The following TRIM5 variants were observed in gnomAD, a reference collection of about 807,000 sequenced individuals.
The protein encoded by TRIM5 is tripartite motif-containing protein 5.
TRIM5 carries 31 observed loss-of-function variants against 35.6 expected under a neutral mutation model. The observed-to-expected ratio is 0.87, with a 90% CI of 0.65 to 1.18. The LOEUF (loss-of-function observed/expected upper bound fraction) is 1.18. Among genes scored for constraint, TRIM5 ranks in the 50% most tolerant of loss-of-function variants. The pLI is 0.00. For missense variants in TRIM5, 609 were observed against 591.6 expected (o/e 1.03, Z -0.31); for synonymous variants, 243 against 215.6 (o/e 1.13, Z -1.11).
chr11:5,654,630 G>A, the TRIM5 span, among the ~76,000 whole-genome samples: 1 of 152,162 alleles, frequency 6.6e-6, no homozygotes, highest in Non-Finnish European at 1.5e-5. Context: ...ATGTGGGTGA[G>A]TGTGGGTTTG....
At chr11:5,634,062 G>T in the TRIM5 span, among the ~76,000 whole-genome samples, 1 of 152,178 alleles carries the variant, frequency 6.6e-6, no homozygotes, top group Non-Finnish European at 1.5e-5. Context: ...CTAGAAAGTG[G>T]ACATGTTACA....
chr11:5,589,532 C>G, the TRIM5 span: 2 of 152,114 alleles, frequency 1.3e-5, no homozygotes, highest in African/African-American at 4.8e-5. Flanking sequence ...GTTGGTTACA[C>G]CATCTTGCTG....
the TRIM5 span, among the ~76,000 whole-genome samples, chr11:5,594,577 G>C: frequency 6.6e-6 from 1 of 152,100 alleles, no homozygotes; most frequent in Non-Finnish European, 1.5e-5. Context: ...AAAATGCTGG[G>C]ATTACAAGCG....
the TRIM5 span, chr11:5,605,536 G>A: frequency 1.1e-5 from 17 of 1,613,732 alleles, no homozygotes; most frequent in African/African-American, 1.1e-4. Flanking sequence ...CTGGAGCGTC[G>A]ATGTCAGGGG....
At chr11:5,613,396 A>C in the TRIM5 span, among the ~76,000 whole-genome samples, 1 of 152,200 alleles carries the variant, frequency 6.6e-6, no homozygotes. Flanking sequence ...TGGTGAGATA[A>C]AGTAGTGCAG....
At chr11:5,611,247 A>G in the TRIM5 span, 2 of 1,613,928 alleles carry the variant, frequency 1.2e-6, no homozygotes, top group Non-Finnish European at 1.7e-6. Context: ...CCCCATCTAC[A>G]CTTTCTCTAA....
the TRIM5 span, among the ~76,000 whole-genome samples, chr11:5,650,976 A>C: frequency 6.6e-6 from 1 of 152,226 alleles, no homozygotes; most frequent in East Asian, 1.9e-4. Context: ...GGGCAGATTT[A>C]GCAACGCCTG....
At chr11:5,642,312 G>C in the TRIM5 span, 1 of 1,127,912 alleles carries the variant, frequency 8.9e-7, no homozygotes, top group Non-Finnish European at 1.3e-6. Context: ...GGGTTCAAGT[G>C]CATCAGTGAT....
At chr11:5,655,341 A>G in the TRIM5 span, among the ~76,000 whole-genome samples, 8 of 152,176 alleles carry the variant, frequency 5.3e-5, no homozygotes, top group Non-Finnish European at 1.0e-4. Flanking sequence ...ATTTATCTAC[A>G]ATTTAAATAA....
downstream of TRIM5, among the ~76,000 whole-genome samples, chr11:5,659,939 T>G (rs1427326850): frequency 6.6e-6 from 1 of 152,162 alleles, no homozygotes; most frequent in African/African-American, 2.4e-5. Context: ...TCTTTACGGG[T>G]ACTCTACCAT....
At chr11:5,619,936 G>A in the TRIM5 span, 2 of 151,054 alleles carry the variant, frequency 1.3e-5, no homozygotes, top group African/African-American at 4.9e-5. Flanking sequence ...CTGACCTCAA[G>A]TGATCCACCC....
At chr11:5,597,529 T>C in the TRIM5 span, among the ~76,000 whole-genome samples, 2,633 of 152,228 alleles carry the variant, frequency 0.017, 72 homozygotes, top group African/African-American at 0.059. Context: ...AATATAACCC[T>C]ACACAAAGAT....
At chr11:5,654,976 A>G in the TRIM5 span, among the ~76,000 whole-genome samples, 8 of 152,044 alleles carry the variant, frequency 5.3e-5, no homozygotes, top group African/African-American at 1.9e-4. Flanking sequence ...GGATCACCTG[A>G]GGTCAGGAGT....
At chr11:5,617,235 T>C in the TRIM5 span, among the ~76,000 whole-genome samples, 5 of 144,324 alleles carry the variant, frequency 3.5e-5, 1 homozygote, top group African/African-American at 7.6e-5. Context: ...AGAGGAGAAA[T>C]GTTAGGAGAG....
At chr11:5,678,126 A>C in intron 4 of TRIM5, 78 bp downstream of exon 4, 1 of 1,261,620 alleles carries the variant, frequency 7.9e-7, no homozygotes, top group Non-Finnish European at 1.1e-6. Context: ...AATATTAGAA[A>C]AAGCACAGCA....
intron 4 of TRIM5, among the ~76,000 whole-genome samples, chr11:5,670,192 T>A (rs577489069): frequency 2.9e-5 from 4 of 139,642 alleles, no homozygotes; most frequent in African/African-American, 1.1e-4. Flanking sequence ...TTTTTTTTTT[T>A]TTTGAGATGG....
At chr11:5,636,526 T>C in the TRIM5 span, among the ~76,000 whole-genome samples, 1 of 152,332 alleles carries the variant, frequency 6.6e-6, no homozygotes, top group South Asian at 2.1e-4. Context: ...TTGAACTACA[T>C]CTCAGTAAAA....
chr11:5,608,847 ATTTTTTT>A, the TRIM5 span, among the ~76,000 whole-genome samples: 8 of 101,892 alleles, frequency 7.9e-5, no homozygotes, highest in African/African-American at 2.1e-4. Flanking sequence ...TTGCCCATAA[ATTTTTTT>A]TTTTTTTTTT....
chr11:5,676,171 T>C (rs888677123), intron 4 of TRIM5, among the ~76,000 whole-genome samples: 1 of 151,668 alleles, frequency 6.6e-6, no homozygotes, highest in African/African-American at 2.4e-5. Context: ...TACGTGTGCA[T>C]GTGTCTTTAT....
Sources: gnomAD v4.1 joint callset for allele counts (sites outside exome capture counted in the v4.1 genomes callset) on GRCh38, gnomAD v4.1.1 for gene constraint, MANE v1.5 for transcripts, NCBI Gene and HGNC (gene_info 2026-07-23, HGNC 2026-07-21) for gene names.